The following CSMD1 variants were observed in gnomAD, a reference collection of about 807,000 sequenced individuals.
CSMD1 encodes CUB and sushi domain-containing protein 1.
Under a neutral mutation model 417.5 loss-of-function variants are expected in CSMD1, and 213 were observed. The observed-to-expected ratio is 0.51, with a 90% confidence interval of 0.46 to 0.57. The LOEUF is 0.57. Ranked by LOEUF, CSMD1 falls within the 20% of genes least tolerant of loss-of-function variation. The pLI, the probability that CSMD1 is intolerant of heterozygous loss-of-function variation, is 0.00. For missense variants in CSMD1, 6,923 were observed against 4,529.7 expected (o/e 1.53, Z -15.17); for synonymous variants, 2,862 against 1,736.8 (o/e 1.65, Z -16.11).
chr8:4,134,737 T>C (rs1284797461), intron 3 of CSMD1, among the ~76,000 whole-genome samples: 3 of 152,220 alleles, frequency 2.0e-5, no homozygotes, highest in African/African-American at 7.2e-5. Flanking sequence ...AGTCTCCTCC[T>C]GACATTCATG....
chr8:3,101,929 G>A (rs1433694387), intron 46 of CSMD1, among the ~76,000 whole-genome samples: 1 of 150,974 alleles, frequency 6.6e-6, no homozygotes, highest in Non-Finnish European at 1.5e-5. Context: ...AGCCTCCAGA[G>A]CAGCTGGGAT....
At chr8:3,637,387 T>C (rs1196486029) in intron 7 of CSMD1, among the ~76,000 whole-genome samples, 1 of 152,176 alleles carries the variant, frequency 6.6e-6, no homozygotes, top group Non-Finnish European at 1.5e-5. Context: ...AATTCAAATG[T>C]CTAACCACCT....
chr8:4,418,043 G>T (rs912835376), intron 3 of CSMD1, among the ~76,000 whole-genome samples: 1 of 151,808 alleles, frequency 6.6e-6, no homozygotes, highest in Non-Finnish European at 1.5e-5. Context: ...CAGGAGACCT[G>T]GAAGCTAACT....
At chr8:4,372,274 C>G (rs1802442008) in intron 3 of CSMD1, among the ~76,000 whole-genome samples, 2 of 152,138 alleles carry the variant, frequency 1.3e-5, no homozygotes, top group African/African-American at 2.4e-5. Context: ...CTCTCCATTT[C>G]ATTTTATTAA....
intron 5 of CSMD1, among the ~76,000 whole-genome samples, chr8:3,804,913 G>C (rs910686241): frequency 3.9e-5 from 6 of 152,152 alleles, no homozygotes; most frequent in African/African-American, 1.2e-4. Context: ...CTACTTTAGA[G>C]TTTCAGGTTA....
intron 5 of CSMD1, among the ~76,000 whole-genome samples, chr8:3,754,665 G>A (rs552322684): frequency 6.6e-6 from 1 of 152,188 alleles, no homozygotes; most frequent in Non-Finnish European, 1.5e-5. Context: ...GTGTTGGCCA[G>A]GCTGGTCTCG....
At chr8:4,152,395 T>G (rs1796612959) in intron 3 of CSMD1, among the ~76,000 whole-genome samples, 1 of 152,072 alleles carries the variant, frequency 6.6e-6, no homozygotes, top group Non-Finnish European at 1.5e-5. Context: ...ATCCCTTACT[T>G]AGGCCAGGCA....
chr8:3,630,523 T>A (rs1196104617), intron 7 of CSMD1, among the ~76,000 whole-genome samples: 1 of 152,166 alleles, frequency 6.6e-6, no homozygotes, highest in African/African-American at 2.4e-5. Flanking sequence ...CAGTTCATCG[T>A]CGCTACTCCT....
At chr8:3,399,733 T>C (rs1811923749) in intron 15 of CSMD1, among the ~76,000 whole-genome samples, 1 of 152,228 alleles carries the variant, frequency 6.6e-6, no homozygotes, top group Admixed American at 6.5e-5. Context: ...ACCATTACCT[T>C]GAAGCAAAGT....
rs184345217 is a variant in CSMD1 at position 3,030,641 on chromosome 8, T to C, written c.7661-1128A>G. Among the ~76,000 whole-genome samples, 493 of 152,062 alleles carry C rather than the reference T, an allele frequency of 3.2e-3. 7 individuals carry two copies. The highest frequency in any genetic ancestry group is 5.2e-3 in the Non-Finnish European group (351 of 67,934). On this transcript the variant is annotated intron_variant, in intron 50 of 69. Transcript: ENST00000635120. ...ATGGGGATACAGATGTCCACCACCATGCCCAGCTAATTTTTGTATTTTTAG... is the reference window on the plus strand; with the variant it reads ...ATGGGGATACAGATGTCCACCACCACGCCCAGCTAATTTTTGTATTTTTAG...
At chr8:4,921,655 A>G (rs1255918192) in intron 1 of CSMD1, among the ~76,000 whole-genome samples, 1 of 152,204 alleles carries the variant, frequency 6.6e-6, no homozygotes, top group Non-Finnish European at 1.5e-5. Context: ...TGAATTACCC[A>G]CAGAAGTGAT....
At chr8:3,064,977 T>C (rs1812823581) in intron 49 of CSMD1, among the ~76,000 whole-genome samples, 1 of 152,176 alleles carries the variant, frequency 6.6e-6, no homozygotes, top group Non-Finnish European at 1.5e-5. Flanking sequence ...CTATTCCATG[T>C]GCACTGGGAA....
intron 1 of CSMD1, among the ~76,000 whole-genome samples, chr8:4,846,959 G>A (rs763462410): frequency 5.9e-5 from 9 of 151,998 alleles, no homozygotes; most frequent in Non-Finnish European, 8.8e-5. Flanking sequence ...AGATTATGTA[G>A]TGATTTTTTT....
chr8:4,792,712 G>C (rs1408445813), intron 1 of CSMD1, among the ~76,000 whole-genome samples: 1 of 152,132 alleles, frequency 6.6e-6, no homozygotes, highest in Non-Finnish European at 1.5e-5. Flanking sequence ...ATTCTAGGAA[G>C]AGCTGCCAAG....
At chr8:4,796,280 G>A (rs1271312201) in intron 1 of CSMD1, among the ~76,000 whole-genome samples, 1 of 151,964 alleles carries the variant, frequency 6.6e-6, no homozygotes, top group Non-Finnish European at 1.5e-5. Flanking sequence ...GCTGGCCAGA[G>A]GATTTGGCAG....
chr8:4,133,352 C>T (rs1272710946), intron 3 of CSMD1, among the ~76,000 whole-genome samples: 2 of 152,194 alleles, frequency 1.3e-5, no homozygotes, highest in Non-Finnish European at 2.9e-5. Context: ...ATGGTAAGCA[C>T]TTCACAAAGC....
intron 3 of CSMD1, among the ~76,000 whole-genome samples, chr8:4,214,958 A>G (rs1487828996): frequency 6.6e-6 from 1 of 152,178 alleles, no homozygotes; most frequent in Non-Finnish European, 1.5e-5. Context: ...AGCTCACTTC[A>G]CGTGAGATAC....
At chr8:3,459,361 T>C (rs1816354225) in intron 12 of CSMD1, among the ~76,000 whole-genome samples, 1 of 152,134 alleles carries the variant, frequency 6.6e-6, no homozygotes. Context: ...GGCCGTAATA[T>C]GACGGGAATC....
chr8:4,304,953 T>C (rs561819476), intron 3 of CSMD1, among the ~76,000 whole-genome samples: 4 of 152,120 alleles, frequency 2.6e-5, no homozygotes, highest in Non-Finnish European at 5.9e-5. Context: ...CAGGCTGTGG[T>C]ATTTGCTACA....
Sources: gnomAD v4.1 joint callset for allele counts (sites outside exome capture counted in the v4.1 genomes callset) on GRCh38, gnomAD v4.1.1 for gene constraint, MANE v1.5 for transcripts, NCBI Gene and HGNC (gene_info 2026-07-23, HGNC 2026-07-21) for gene names.